The following VPS35 variants were observed in gnomAD, a reference collection of about 807,000 sequenced individuals.
VPS35 encodes VPS35 retromer complex component, also known as vacuolar protein sorting-associated protein 35.
A neutral mutation model predicts 98.1 loss-of-function variants in VPS35; 21 were observed. That is an observed-to-expected ratio of 0.21 (90% confidence interval 0.15 to 0.31). VPS35 has a LOEUF of 0.31. Ranked by LOEUF, VPS35 falls within the 10% of genes least tolerant of loss-of-function variation. The pLI is 1.00. For missense variants in VPS35, 554 were observed against 950.8 expected, an observed-to-expected ratio of 0.58 and a Z score of 5.49; for synonymous variants, 268 against 318.2, an observed-to-expected ratio of 0.84 and a Z score of 1.68.
intron 12 of VPS35, among the ~76,000 whole-genome samples, chr16:46,670,437 C>T (rs907360513): frequency 6.6e-6 from 1 of 152,112 alleles, no homozygotes; most frequent in East Asian, 1.9e-4. Context: ...GCGCCCACCA[C>T]CACGCCCAGC....
intron 5 of VPS35, among the ~76,000 whole-genome samples, chr16:46,680,034 GGAAT>G (rs1331192684): frequency 1.3e-5 from 2 of 151,886 alleles, no homozygotes; most frequent in African/African-American, 4.8e-5. Context: ...TTTTAAAAAA[GGAAT>G]GAAGTTCTTT....
chr16:46,672,349 A>G lies in VPS35; in HGVS notation c.1284T>C (p.Phe428=), dbSNP rs530665086. Residue 428 remains phenylalanine (F), a synonymous_variant, in exon 11 of 17, where the codon TTT becomes TTC. Transcript: ENST00000299138. ...LKHFHPLFEY[F]DYESRKSMSC... is the part of the protein sequence containing the mutation. ...TCATGCTCTTTCTGGACTCGTAGTCAAAGTACTCAAAGAGTGGGTGAAAAT... is the reference window on the plus strand; with the variant it reads ...TCATGCTCTTTCTGGACTCGTAGTCGAAGTACTCAAAGAGTGGGTGAAAAT... 9.9e-6 allele frequency: 16 copies of G among 1,613,864 alleles called. No homozygotes were observed. In the East Asian group the frequency reaches 3.3e-4, roughly 34 times the overall value.
intron 13 of VPS35, 35 bp downstream of exon 13, chr16:46,668,894 GA>G (rs1292658043): frequency 6.2e-6 from 10 of 1,612,468 alleles, no homozygotes; most frequent in South Asian, 2.2e-5. Flanking sequence ...GATGAAAGAG[GA>G]AAAAAAGTAC....
chr16:46,681,944 G>A, intron 3 of VPS35, 135 bp downstream of exon 3: 1 of 690,004 alleles, frequency 1.4e-6, no homozygotes, highest in South Asian at 1.6e-5. Context: ...CATCTGCATG[G>A]AGAAGGAGTG....
intron 13 of VPS35, among the ~76,000 whole-genome samples, chr16:46,668,311 C>T (rs994003592): frequency 3.3e-4 from 50 of 152,290 alleles, no homozygotes; most frequent in Non-Finnish European, 7.4e-5. Flanking sequence ...ACAAGAATCG[C>T]TTGAACCCAG....
chr16:46,677,707 G>A (rs1966172473), intron 6 of VPS35: 1 of 347,964 alleles, frequency 2.9e-6, no homozygotes, highest in South Asian at 2.6e-5. Context: ...AGCTAATTTT[G>A]GTAATTTTTG....
rs1228296528 is a variant in VPS35, at chr16:46,658,872, T to G, written c.*1600A>C. The G allele has an allele frequency of 6.6e-6, 1 of 152,258 alleles. No homozygotes were observed. Among genetic ancestry groups the G allele is most frequent in the African/African-American group, 2.4e-5 (1 of 41,480 alleles). The allele number at this position is 152,258 out of a possible 1,614,324, so 9.4% of individuals were successfully genotyped here. On this transcript the variant is annotated 3_prime_UTR_variant, in exon 17 of 17. Coordinates refer to ENST00000299138, the MANE Select transcript of VPS35 (RefSeq NM_018206.6). ...GGGCAGATGGTGAGGGGTTAAGTGA[T>G]GTAGTCATTTGAAAATGTCTATAAA...
At chr16:46,689,083 G>A in intron 1 of VPS35, 48 bp downstream of exon 1, 1 of 1,598,708 alleles carries the variant, frequency 6.3e-7, no homozygotes, top group Non-Finnish European at 8.5e-7. Flanking sequence ...AGAGAGCAGG[G>A]GCTACAAGGA....
intron 1 of VPS35, among the ~76,000 whole-genome samples, chr16:46,687,001 G>C (rs1324792052): frequency 6.6e-6 from 1 of 152,176 alleles, no homozygotes; most frequent in Non-Finnish European, 1.5e-5. Context: ...AGAGATGAGA[G>C]TACACCACTG....
chr16:46,662,797 C>G (rs1237806899), intron 14 of VPS35, among the ~76,000 whole-genome samples, 186 bp downstream of exon 14: 1 of 152,196 alleles, frequency 6.6e-6, no homozygotes, highest in Non-Finnish European at 1.5e-5. Context: ...TCTTAGATTT[C>G]ATCAGCAAAT....
At chr16:46,688,807 G>C in intron 1 of VPS35, 1 of 1,352,502 alleles carries the variant, frequency 7.4e-7, no homozygotes, top group Non-Finnish European at 9.5e-7. Context: ...CGGTCCCCTC[G>C]TGGTAGGCAG....
intron 1 of VPS35, among the ~76,000 whole-genome samples, chr16:46,685,087 A>G (rs1966291321): frequency 6.6e-6 from 1 of 152,204 alleles, no homozygotes. Context: ...TTGAAACCAA[A>G]GGTGGTGATT....
chr16:46,656,297 T>G lies in VPS35; in HGVS notation c.*4175A>C, dbSNP rs1047406261. 32 of 152,236 alleles carry G rather than the reference T, an allele frequency of 2.1e-4. No individual in the cohort carries two copies. The highest frequency in any genetic ancestry group is 7.2e-4 in the African/African-American group (30 of 41,472). The allele number at this position is 152,236 out of a possible 1,614,324, so 9.4% of individuals were successfully genotyped here. A position where few individuals can be genotyped will look rare whatever the true frequency, so the allele number is the denominator to read the frequency against. ...TCGTAATGAACATTATCAATCAGTA[T>G]GCAATTCAATGGACTTTAGTTTTGG... On this transcript the variant is annotated 3_prime_UTR_variant, in exon 17 of 17. Transcript: ENST00000299138.
chr16:46,678,722 A>G (rs1001171055), intron 6 of VPS35, among the ~76,000 whole-genome samples: 1 of 152,236 alleles, frequency 6.6e-6, no homozygotes, highest in Non-Finnish European at 1.5e-5. Flanking sequence ...CTGAGATTAC[A>G]TTGGATCTAT....
chr16:46,661,974 T>C lies in VPS35; in HGVS notation c.2068-113A>G. 1 of 1,454,460 alleles carries C rather than the reference T, an allele frequency of 6.9e-7. No individual in the cohort carries two copies. The highest frequency in any genetic ancestry group is 9.5e-7 in the Non-Finnish European group (1 of 1,056,054). The allele number at this position is 1,454,460 out of a possible 1,614,324, so 90.1% of individuals were successfully genotyped here. On this transcript the variant is annotated intron_variant, in intron 15 of 16. Coordinates refer to ENST00000299138, the MANE Select transcript of VPS35 (RefSeq NM_018206.6). This position sits in a 1 kb window ranked among gnomAD's most constrained non-coding sequence, Gnocchi z 4.3. ...CGTGTTTTAAAGGGACATAACAAATTTAAATCCTTTTCATTCTCCTTCTTC... is the reference window on the plus strand; with the variant it reads ...CGTGTTTTAAAGGGACATAACAAATCTAAATCCTTTTCATTCTCCTTCTTC...
intron 10 of VPS35, 90 bp downstream of exon 10, chr16:46,674,224 T>C: frequency 7.1e-7 from 1 of 1,408,950 alleles, no homozygotes; most frequent in Non-Finnish European, 1.0e-6. Flanking sequence ...ACAAGACAAA[T>C]GCCAGCAGTT....
intron 6 of VPS35, among the ~76,000 whole-genome samples, 179 bp downstream of exon 6, chr16:46,678,764 A>AT: frequency 1.3e-5 from 2 of 152,302 alleles, no homozygotes; most frequent in East Asian, 3.9e-4. Context: ...TATTTTGACA[A>AT]TATTAAGTCT....
intron 2 of VPS35, 193 bp from the exon 3 acceptor site, chr16:46,682,368 C>A (rs1966248180): frequency 3.6e-6 from 2 of 559,278 alleles, no homozygotes; most frequent in South Asian, 4.1e-5. Context: ...GAAAAAGATA[C>A]ATGATTCTTA....
chr16:46,685,634 G>T (rs1052481217), intron 1 of VPS35, among the ~76,000 whole-genome samples: 1 of 152,136 alleles, frequency 6.6e-6, no homozygotes, highest in Non-Finnish European at 1.5e-5. Flanking sequence ...CAGAGGCAAG[G>T]ATGACACCAG....
Sources: allele counts gnomAD v4.1 joint callset (sites outside exome capture counted in the v4.1 genomes callset), GRCh38; gene constraint gnomAD v4.1.1; non-coding constraint Gnocchi (gnomAD v3.1); transcripts MANE v1.5; gene names NCBI Gene and HGNC (gene_info 2026-07-23, HGNC 2026-07-21).